The following C1orf21 variants were observed in gnomAD, a reference collection of about 807,000 sequenced individuals.
C1orf21 encodes uncharacterized protein C1orf21.
A neutral mutation model predicts 18.7 loss-of-function variants in C1orf21; 3 were observed. The ratio of observed to expected loss-of-function variants is 0.16; its 90% CI spans 0.07 to 0.42. The LOEUF is 0.42. C1orf21 is among the 10% of genes least tolerant of loss of function. The pLI, the probability that C1orf21 is intolerant of heterozygous loss-of-function variation, is 0.99. For missense variants in C1orf21, 104 were observed against 143.6 expected, an observed-to-expected ratio of 0.72 and a Z score of 1.41; for synonymous variants, 41 against 46.4, an observed-to-expected ratio of 0.88 and a Z score of 0.47.
intron 1 of C1orf21, among the ~76,000 whole-genome samples, chr1:184,431,165 A>G (rs143726207): frequency 6.6e-6 from 1 of 152,188 alleles, no homozygotes; most frequent in Non-Finnish European, 1.5e-5. Context: ...AGCCAAGACA[A>G]TCCTAAGCAA....
At chr1:184,497,193 A>G (rs1377060197) in intron 2 of C1orf21, among the ~76,000 whole-genome samples, 3 of 152,238 alleles carry the variant, frequency 2.0e-5, no homozygotes, top group African/African-American at 7.2e-5. Context: ...GGCTTGTTCA[A>G]GCTTCCCAGG....
chr1:184,576,364 A>G (rs1292132176), intron 3 of C1orf21, among the ~76,000 whole-genome samples: 1 of 152,160 alleles, frequency 6.6e-6, no homozygotes, highest in Non-Finnish European at 1.5e-5. Flanking sequence ...ACCTCAGGTG[A>G]TCTGCCCACC....
At chr1:184,431,699 A>G (rs1656768319) in intron 1 of C1orf21, among the ~76,000 whole-genome samples, 1 of 152,200 alleles carries the variant, frequency 6.6e-6, no homozygotes, top group Non-Finnish European at 1.5e-5. Flanking sequence ...AGAATGGGAG[A>G]AAATTTTTGC....
intron 1 of C1orf21, among the ~76,000 whole-genome samples, chr1:184,455,261 C>T (rs1657181475): frequency 6.6e-6 from 1 of 152,150 alleles, no homozygotes; most frequent in Non-Finnish European, 1.5e-5. Flanking sequence ...TCTGATTCTG[C>T]CACAAATGTA....
intron 2 of C1orf21, among the ~76,000 whole-genome samples, chr1:184,482,099 C>G (rs1360526386): frequency 6.6e-6 from 1 of 152,202 alleles, no homozygotes; most frequent in Non-Finnish European, 1.5e-5. Flanking sequence ...AACATAGTAC[C>G]TTGAAACATA....
chr1:184,433,457 T>G (rs1203732832), intron 1 of C1orf21, among the ~76,000 whole-genome samples: 1 of 152,164 alleles, frequency 6.6e-6, no homozygotes, highest in Non-Finnish European at 1.5e-5. Flanking sequence ...TGCTTCCAAT[T>G]GTTCCCATTG....
At chr1:184,467,486 A>G (rs1196424547) in intron 1 of C1orf21, among the ~76,000 whole-genome samples, 1 of 152,154 alleles carries the variant, frequency 6.6e-6, no homozygotes, top group African/African-American at 2.4e-5. Flanking sequence ...CTGCCCCAGC[A>G]CAGCAGAAAC....
chr1:184,607,749 A>G (rs901851866), intron 5 of C1orf21, among the ~76,000 whole-genome samples: 28 of 150,290 alleles, frequency 1.9e-4, no homozygotes, highest in African/African-American at 6.7e-4. Context: ...ATGTGTGTGT[A>G]TATATATACA....
chr1:184,598,318 T>G, intron 4 of C1orf21, 83 bp from the exon 5 acceptor site: 2 of 1,278,624 alleles, frequency 1.6e-6, no homozygotes, highest in Non-Finnish European at 2.2e-6. Flanking sequence ...TCCCCAAAGT[T>G]TGGGGACTCT....
intron 3 of C1orf21, among the ~76,000 whole-genome samples, chr1:184,535,292 A>C (rs1320818163): frequency 6.6e-6 from 1 of 152,188 alleles, no homozygotes; most frequent in Admixed American, 6.5e-5. Context: ...TGATGGTTTT[A>C]GTTGTCCTGT....
intron 3 of C1orf21, among the ~76,000 whole-genome samples, chr1:184,523,416 A>T (rs892006872): frequency 6.6e-6 from 1 of 152,176 alleles, no homozygotes; most frequent in Non-Finnish European, 1.5e-5. Flanking sequence ...ATTGAGGGGC[A>T]TTCTACAAAA....
At chr1:184,571,884 C>G (rs1469085141) in intron 3 of C1orf21, among the ~76,000 whole-genome samples, 1 of 148,284 alleles carries the variant, frequency 6.7e-6, no homozygotes, top group Non-Finnish European at 1.5e-5. Context: ...AACTCTATGG[C>G]CTTGTTTCCT....
chr1:184,596,361 A>G (rs1232070372), intron 4 of C1orf21, among the ~76,000 whole-genome samples: 1 of 152,152 alleles, frequency 6.6e-6, no homozygotes, highest in Non-Finnish European at 1.5e-5. Context: ...ACATGAACTT[A>G]AATAGGGGGA....
intron 3 of C1orf21, among the ~76,000 whole-genome samples, chr1:184,589,421 T>C (rs1364449876): frequency 1.3e-5 from 2 of 152,208 alleles, no homozygotes; most frequent in Non-Finnish European, 2.9e-5. Context: ...CCTTACCCCA[T>C]GTGGTAAAGA....
chr1:184,605,671 G>T (rs1321624261), intron 5 of C1orf21, among the ~76,000 whole-genome samples: 1 of 152,204 alleles, frequency 6.6e-6, no homozygotes, highest in Non-Finnish European at 1.5e-5. Flanking sequence ...CAAAGCCAAG[G>T]ATTGGCTCTG....
chr1:184,586,960 T>G (rs796722568), intron 3 of C1orf21, among the ~76,000 whole-genome samples: 3 of 152,352 alleles, frequency 2.0e-5, no homozygotes, highest in African/African-American at 7.2e-5. Flanking sequence ...AATTTTTGTA[T>G]ATCGTGTAAG....
intron 1 of C1orf21, among the ~76,000 whole-genome samples, chr1:184,410,017 A>AT (rs771911446): frequency 2.6e-5 from 4 of 152,178 alleles, no homozygotes; most frequent in South Asian, 2.1e-4. Flanking sequence ...TAGGAAATGT[A>AT]TTTTTTTATT....
At chr1:184,527,741 C>T (rs1166678910) in intron 3 of C1orf21, among the ~76,000 whole-genome samples, 1 of 152,162 alleles carries the variant, frequency 6.6e-6, no homozygotes, top group Non-Finnish European at 1.5e-5. Context: ...TAGCATGTTA[C>T]CTAACCTCTC....
At chr1:184,512,880 G>T (rs1466749854) in intron 3 of C1orf21, among the ~76,000 whole-genome samples, 1 of 152,220 alleles carries the variant, frequency 6.6e-6, no homozygotes, top group Non-Finnish European at 1.5e-5. Flanking sequence ...AGAGACCGAA[G>T]CTTCATCTGT....
Sources: gnomAD v4.1 joint callset for allele counts (sites outside exome capture counted in the v4.1 genomes callset) on GRCh38, gnomAD v4.1.1 for gene constraint, MANE v1.5 for transcripts, NCBI Gene and HGNC (gene_info 2026-07-23, HGNC 2026-07-21) for gene names.